OXR1: variants seen among roughly 807,000 people sequenced by gnomAD.
The protein encoded by OXR1 is oxidation resistance protein 1.
Under a neutral mutation model 104.6 loss-of-function variants are expected in OXR1, and 41 were observed. The observed-to-expected ratio is 0.39, with a 90% CI of 0.31 to 0.51. The LOEUF (loss-of-function observed/expected upper bound fraction) is 0.51, where lower values mean the gene tolerates loss of function less well. Among genes scored for constraint, OXR1 ranks in the 20% least tolerant of loss-of-function variants. OXR1 has a pLI of 0.77. For missense variants in OXR1, 955 were observed against 1,031.9 expected (o/e 0.93, Z 1.02); for synonymous variants, 348 against 348.4 (o/e 1.00, Z 0.01).
At chr8:106,436,301 A>G (rs936933792) in intron 2 of OXR1, among the ~76,000 whole-genome samples, 2 of 152,108 alleles carry the variant, frequency 1.3e-5, no homozygotes, top group East Asian at 1.9e-4. Context: ...GGAATTAAGA[A>G]GTTATGTAAT....
At chr8:106,618,243 C>T (rs1209079030) in intron 3 of OXR1, 10 of 1,329,586 alleles carry the variant, frequency 7.5e-6, no homozygotes, top group Non-Finnish European at 1.0e-5. Context: ...TCAGATACAG[C>T]GGACATTAAA....
chr8:106,487,448 A>G (rs111734633), intron 2 of OXR1, among the ~76,000 whole-genome samples: 15,753 of 149,668 alleles, frequency 0.11, 887 homozygotes, highest in African/African-American at 0.14. Context: ...TATACTTTAA[A>G]TTTTAGGGTA....
chr8:106,457,718 C>T (rs1820677379), intron 2 of OXR1, among the ~76,000 whole-genome samples: 1 of 152,124 alleles, frequency 6.6e-6, no homozygotes, highest in Non-Finnish European at 1.5e-5. Context: ...GAAATATAGA[C>T]AGTAAATGCC....
chr8:106,602,315 C>T (rs1024402491), intron 3 of OXR1, among the ~76,000 whole-genome samples: 110 of 152,236 alleles, frequency 7.2e-4, no homozygotes, highest in African/African-American at 2.5e-3. Context: ...TGGAGAGGGA[C>T]AAGAGTAGAG....
chr8:106,489,587 A>G (rs1363547547), intron 2 of OXR1, among the ~76,000 whole-genome samples: 1 of 152,118 alleles, frequency 6.6e-6, no homozygotes, highest in Non-Finnish European at 1.5e-5. Flanking sequence ...GACTGTATTG[A>G]TATGTTTGGA....
chr8:106,533,778 A>C (rs554335442), intron 3 of OXR1, among the ~76,000 whole-genome samples: 3 of 150,528 alleles, frequency 2.0e-5, no homozygotes, highest in Admixed American at 6.6e-5. Context: ...ACAATGGCAC[A>C]ATCTTGGCTC....
intron 2 of OXR1, among the ~76,000 whole-genome samples, chr8:106,414,138 A>G (rs1278177084): frequency 6.6e-6 from 1 of 152,128 alleles, no homozygotes; most frequent in South Asian, 2.1e-4. Context: ...CTAAGGAGCT[A>G]TGTAAAATTT....
At chr8:106,632,630 T>C (rs1586932760) in intron 3 of OXR1, among the ~76,000 whole-genome samples, 2 of 152,336 alleles carry the variant, frequency 1.3e-5, no homozygotes, top group East Asian at 3.9e-4. Context: ...TTTCAATTGT[T>C]TCTGCCTTTT....
chr8:106,293,102 A>C (rs950733393), intron 1 of OXR1, among the ~76,000 whole-genome samples: 2 of 152,252 alleles, frequency 1.3e-5, no homozygotes, highest in Non-Finnish European at 2.9e-5. Context: ...CAGAAGATTT[A>C]CTGATGGATT....
intron 3 of OXR1, among the ~76,000 whole-genome samples, chr8:106,676,559 T>C (rs1827614793): frequency 1.3e-5 from 2 of 152,278 alleles, no homozygotes; most frequent in South Asian, 4.2e-4. Context: ...TATAGCTTAG[T>C]TTGGCCAGAT....
intron 3 of OXR1, among the ~76,000 whole-genome samples, chr8:106,566,251 C>A (rs576535304): frequency 1.3e-5 from 2 of 152,170 alleles, no homozygotes; most frequent in African/African-American, 4.8e-5. Flanking sequence ...GATCCAGATT[C>A]TACAAGGAAC....
At chr8:106,587,406 A>G (rs1248462309) in intron 3 of OXR1, among the ~76,000 whole-genome samples, 1 of 152,232 alleles carries the variant, frequency 6.6e-6, no homozygotes, top group East Asian at 1.9e-4. Flanking sequence ...TGAATGAACT[A>G]TGAAAATATA....
intron 3 of OXR1, among the ~76,000 whole-genome samples, chr8:106,560,036 C>T (rs1275481267): frequency 6.6e-6 from 1 of 151,892 alleles, no homozygotes; most frequent in African/African-American, 2.4e-5. Context: ...AGAGACACAC[C>T]CCATTTCAAA....
chr8:106,629,657 T>A (rs999662109), intron 3 of OXR1, among the ~76,000 whole-genome samples: 3 of 152,236 alleles, frequency 2.0e-5, no homozygotes, highest in Admixed American at 6.5e-5. Flanking sequence ...CAGAAATACT[T>A]CTATAATTTA....
intron 2 of OXR1, 32 bp downstream of exon 2, chr8:106,359,668 A>G (rs1162430127): frequency 6.8e-7 from 1 of 1,480,534 alleles, no homozygotes; most frequent in Non-Finnish European, 9.2e-7. Context: ...CTTAAATGTA[A>G]ATGAAAATAT....
At chr8:106,724,319 C>T (rs1342028330) in intron 11 of OXR1, among the ~76,000 whole-genome samples, 3 of 152,166 alleles carry the variant, frequency 2.0e-5, no homozygotes, top group East Asian at 1.9e-4. Context: ...TAACAATTGA[C>T]ATCTGCTTCA....
intron 3 of OXR1, among the ~76,000 whole-genome samples, chr8:106,596,882 G>A (rs1472025385): frequency 3.9e-5 from 6 of 152,052 alleles, no homozygotes; most frequent in East Asian, 3.9e-4. Flanking sequence ...GTGAAACCCC[G>A]TCTCTACTAA....
At chr8:106,641,963 G>A (rs920388237) in intron 3 of OXR1, among the ~76,000 whole-genome samples, 1 of 151,906 alleles carries the variant, frequency 6.6e-6, no homozygotes, top group African/African-American at 2.4e-5. Context: ...TAAGAGATGG[G>A]GTCTTGCCAT....
At chr8:106,298,630 T>C (rs1400738825) in intron 1 of OXR1, among the ~76,000 whole-genome samples, 1 of 152,122 alleles carries the variant, frequency 6.6e-6, no homozygotes, top group African/African-American at 2.4e-5. Context: ...ATAGAAAATA[T>C]GCAAAGGTGG....
Sources: allele counts gnomAD v4.1 joint callset (sites outside exome capture counted in the v4.1 genomes callset), GRCh38; gene constraint gnomAD v4.1.1; transcripts MANE v1.5; gene names NCBI Gene and HGNC (gene_info 2026-07-23, HGNC 2026-07-21).